The following MGST1 variants were observed in gnomAD, a reference collection of about 807,000 sequenced individuals.
MGST1 encodes glutathione S-transferase 12.
MGST1 carries 5 observed loss-of-function variants against 8.9 expected under a neutral mutation model. The ratio of observed to expected loss-of-function variants is 0.56; its 90% CI spans 0.29 to 1.19. The LOEUF (loss-of-function observed/expected upper bound fraction) is 1.19, where lower values mean the gene tolerates loss of function less well. Ranked by LOEUF, MGST1 falls within the 50% of genes most tolerant of loss-of-function variation. MGST1 has a pLI of 0.08. For synonymous variants in MGST1, 54 were observed against 67.8 expected, an observed-to-expected ratio of 0.80 and a Z score of 1.00; for missense variants, 182 against 187.4, an observed-to-expected ratio of 0.97 and a Z score of 0.17.
chr12:16,401,387 T>C lies in MGST1; in HGVS notation n.778+17783T>C. 2.7e-6 allele frequency: 3 copies of C among 1,106,330 alleles called. No homozygotes were observed. The South Asian group carries it at 3.7e-5, about 14-fold the overall frequency. 68.5% of individuals were successfully genotyped at this position (1,106,330 alleles called of 1,614,324 possible). A position where few individuals can be genotyped will look rare whatever the true frequency, so the allele number is the denominator to read the frequency against. On this transcript the variant is annotated intron_variant and non_coding_transcript_variant, in intron 1 of 1. Transcript: ENST00000359720. This position sits in a 1 kb window ranked among gnomAD's most constrained non-coding sequence, Gnocchi z 4.3. ...ATTCCCACCCCAAATCCTAGGTTTC[T>C]GGTAATTTTGTTCAGGAGTTCTGGC...
intron 4 of MGST1, among the ~76,000 whole-genome samples, chr12:16,488,484 G>A (rs973171926): frequency 3.9e-5 from 6 of 151,970 alleles, no homozygotes; most frequent in African/African-American, 1.2e-4. Context: ...TCCCCATTGC[G>A]TTAGCCCACG....
At chr12:16,416,081 T>G (rs1940784972) in intron 1 of MGST1, among the ~76,000 whole-genome samples, 1 of 152,198 alleles carries the variant, frequency 6.6e-6, no homozygotes, top group Non-Finnish European at 1.5e-5. Flanking sequence ...TAGGGTCACC[T>G]GGGCCTACCA....
intron 4 of MGST1, among the ~76,000 whole-genome samples, chr12:16,566,408 T>G (rs1942611817): frequency 6.6e-6 from 1 of 151,986 alleles, no homozygotes; most frequent in South Asian, 2.1e-4. Flanking sequence ...CTTTTGAATG[T>G]TTTCAACACA....
chr12:16,515,632 G>GAAAAAAAAAA (rs59154598), intron 4 of MGST1, among the ~76,000 whole-genome samples: 1 of 129,020 alleles, frequency 7.8e-6, no homozygotes, highest in Non-Finnish European at 1.6e-5. Context: ...CTCTATCTCA[G>GAAAAAAAAAA]AAAAAAAAAA....
intron 4 of MGST1, among the ~76,000 whole-genome samples, chr12:16,488,506 G>A (rs548511794): frequency 1.3e-5 from 2 of 152,214 alleles, no homozygotes; most frequent in South Asian, 4.1e-4. Context: ...AACTAAGGTA[G>A]TTTTCAAATG....
At chr12:16,456,508 A>T (rs1177653044) in intron 4 of MGST1, among the ~76,000 whole-genome samples, 1 of 151,976 alleles carries the variant, frequency 6.6e-6, no homozygotes, top group Non-Finnish European at 1.5e-5. Context: ...CAATGGGCTT[A>T]ACTCATGGAC....
chr12:16,571,593 G>A (rs1942813729), intron 4 of MGST1, among the ~76,000 whole-genome samples: 1 of 151,980 alleles, frequency 6.6e-6, no homozygotes, highest in African/African-American at 2.4e-5. Flanking sequence ...TATCAAAAAT[G>A]TCCTGGGTTG....
intron 4 of MGST1, among the ~76,000 whole-genome samples, chr12:16,534,771 G>A (rs1306635296): frequency 6.8e-6 from 1 of 146,926 alleles, no homozygotes; most frequent in African/African-American, 2.5e-5. Flanking sequence ...CAACTTGAAC[G>A]TTCTTTTTTA....
Position 16,394,615 on chromosome 12 carries a change from C to G in MGST1, n.778+11011C>G, listed in dbSNP as rs976792668. 1.3e-4 allele frequency among the ~76,000 whole-genome samples: 20 copies of G among 149,682 alleles called. No individual in the cohort carries two copies. The East Asian group carries it at 3.6e-3, about 27-fold the overall frequency. ...TTTTTTCTTTTCTTTTCTTTTGAAA[C>G]AGAGTCTTGCTCTGTCACCCAGGCT... On this transcript the variant is annotated intron_variant and non_coding_transcript_variant, in intron 1 of 1. Coordinates refer to the MGST1 transcript ENST00000359720.
At chr12:16,556,078 C>G (rs554563907) in intron 4 of MGST1, among the ~76,000 whole-genome samples, 1 of 152,248 alleles carries the variant, frequency 6.6e-6, no homozygotes, top group African/African-American at 2.4e-5. Flanking sequence ...TCAGCTTCCA[C>G]AGAGCCTAGC....
At chr12:16,349,708 A>G (rs1939370252) in intron 1 of MGST1, among the ~76,000 whole-genome samples, 1 of 150,224 alleles carries the variant, frequency 6.7e-6, no homozygotes, top group African/African-American at 2.5e-5. Context: ...TTTTTTATTT[A>G]CCAAACACAC....
At chr12:16,481,879 T>G (rs998107290) in intron 4 of MGST1, among the ~76,000 whole-genome samples, 1 of 152,194 alleles carries the variant, frequency 6.6e-6, no homozygotes, top group African/African-American at 2.4e-5. Flanking sequence ...GTCCTCAAGC[T>G]TCATATTCTG....
At chr12:16,504,044 C>T (rs1011882890) in intron 4 of MGST1, among the ~76,000 whole-genome samples, 2 of 152,158 alleles carry the variant, frequency 1.3e-5, no homozygotes, top group Non-Finnish European at 2.9e-5. Context: ...CAAAAGCCCT[C>T]CTGGACTAAG....
intron 4 of MGST1, among the ~76,000 whole-genome samples, chr12:16,525,300 C>T (rs1409647482): frequency 4.7e-5 from 6 of 128,336 alleles, no homozygotes; most frequent in African/African-American, 8.7e-5. Flanking sequence ...CCCCCCTCCC[C>T]CCACCCCACA....
chr12:16,382,823 TCAAA>T (rs1272605293), exon 1 of MGST1: 1 of 152,994 alleles, frequency 6.5e-6, no homozygotes. Flanking sequence ...GTTTACCTAA[TCAAA>T]CAACTAACTC....
intron 4 of MGST1, among the ~76,000 whole-genome samples, chr12:16,532,168 C>T (rs984903091): frequency 6.6e-6 from 1 of 152,072 alleles, no homozygotes; most frequent in African/African-American, 2.4e-5. Flanking sequence ...TGTCTTTCTC[C>T]CAGATGTTAC....
intron 1 of MGST1, among the ~76,000 whole-genome samples, chr12:16,387,849 C>T (rs896288547): frequency 2.6e-5 from 4 of 151,934 alleles, no homozygotes; most frequent in African/African-American, 9.7e-5. Flanking sequence ...TTCACTGTAC[C>T]TTTTCTATGT....
chr12:16,402,123 G>A, intron 1 of MGST1: 2 of 1,509,202 alleles, frequency 1.3e-6, no homozygotes, highest in Non-Finnish European at 9.2e-7. Flanking sequence ...GATGGCAGGG[G>A]CTCCATTAGC....
rs759838028 is a variant in MGST1, at chr12:16,369,538, C to A, written c.222-6584C>A. On this transcript the variant is annotated intron_variant, in intron 3 of 3. Transcript: ENST00000535309. The surrounding 1 kb of genome is among the most constrained non-coding windows in gnomAD (Gnocchi z 4.8). ...ATGTGTCTTATCCTGTACTACAGTG[C>A]TCAGCAAACTATGGACTCTGGGCCA... 6.6e-6 allele frequency among the ~76,000 whole-genome samples: 1 copy of A among 152,138 alleles called. No homozygotes were observed. Among genetic ancestry groups the A allele is most frequent in the Non-Finnish European group, 1.5e-5 (1 of 68,022 alleles).
Sources: allele counts gnomAD v4.1 joint callset (sites outside exome capture counted in the v4.1 genomes callset), GRCh38; gene constraint gnomAD v4.1.1; non-coding constraint Gnocchi (gnomAD v3.1); transcripts MANE v1.5; gene names NCBI Gene and HGNC (gene_info 2026-07-23, HGNC 2026-07-21).